The following RANBP17 variants were observed in gnomAD, a reference collection of about 807,000 sequenced individuals.
RANBP17 encodes ran-binding protein 17.
RANBP17 carries 158 observed loss-of-function variants against 141.2 expected under a neutral mutation model. The observed-to-expected ratio is 1.12, with a 90% CI of 0.98 to 1.28. The LOEUF is 1.28. Ranked by LOEUF, RANBP17 falls within the 50% of genes most tolerant of loss-of-function variation. The pLI is 0.00. For synonymous variants in RANBP17, 430 were observed against 450.0 expected, an observed-to-expected ratio of 0.96 and a Z score of 0.56; for missense variants, 1,438 against 1,290.7, an observed-to-expected ratio of 1.11 and a Z score of -1.75.
At chr5:171,145,396 CT>C (rs911213864) in intron 14 of RANBP17, among the ~76,000 whole-genome samples, 41 of 151,326 alleles carry the variant, frequency 2.7e-4, no homozygotes, top group African/African-American at 9.4e-4. Flanking sequence ...CAAGATTTGT[CT>C]TTTTTTTTAA....
intron 14 of RANBP17, among the ~76,000 whole-genome samples, chr5:171,022,122 T>A (rs1257904786): frequency 6.6e-6 from 1 of 152,140 alleles, no homozygotes; most frequent in Non-Finnish European, 1.5e-5. Context: ...CTCCCATACC[T>A]GGAGATGTCA....
At chr5:171,095,570 A>AC (rs1786630207) in intron 14 of RANBP17, among the ~76,000 whole-genome samples, 1 of 152,244 alleles carries the variant, frequency 6.6e-6, no homozygotes, top group African/African-American at 2.4e-5. Context: ...GCTGATAAAC[A>AC]AATGAATGGA....
intron 14 of RANBP17, among the ~76,000 whole-genome samples, chr5:171,096,865 G>A (rs1005895287): frequency 6.6e-6 from 1 of 152,082 alleles, no homozygotes; most frequent in Non-Finnish European, 1.5e-5. Flanking sequence ...AAGGGGTGGA[G>A]GGATGTTTCT....
intron 22 of RANBP17, among the ~76,000 whole-genome samples, chr5:171,227,100 G>C (rs372389620): frequency 6.6e-6 from 1 of 152,162 alleles, no homozygotes; most frequent in Admixed American, 6.5e-5. Context: ...TGGCCTACAA[G>C]TATTCAAGTG....
intron 12 of RANBP17, among the ~76,000 whole-genome samples, chr5:170,939,737 G>A (rs955689519): frequency 7.9e-5 from 12 of 152,120 alleles, no homozygotes; most frequent in African/African-American, 2.4e-4. Flanking sequence ...AGGATTATGT[G>A]TAATTTGTGG....
intron 14 of RANBP17, among the ~76,000 whole-genome samples, chr5:171,037,732 T>C (rs1340581797): frequency 6.6e-6 from 1 of 152,170 alleles, no homozygotes; most frequent in Non-Finnish European, 1.5e-5. Flanking sequence ...TGTCTGTAGG[T>C]GTGTAGCTTT....
At chr5:171,034,718 A>G (rs564757897) in intron 14 of RANBP17, among the ~76,000 whole-genome samples, 2 of 152,374 alleles carry the variant, frequency 1.3e-5, no homozygotes, top group South Asian at 4.1e-4. Context: ...GCAAAGTTAG[A>G]GAAATGTGCA....
intron 13 of RANBP17, among the ~76,000 whole-genome samples, chr5:170,964,973 A>G (rs1236596509): frequency 6.6e-6 from 1 of 152,150 alleles, no homozygotes; most frequent in Non-Finnish European, 1.5e-5. Flanking sequence ...GAATCGCCAC[A>G]CTGACTTCCA....
rs376841666 is a variant in RANBP17, at chr5:171,205,527, A to T, written c.2146A>T (p.Met716Leu). 84 of 1,613,428 alleles carry T rather than the reference A, an allele frequency of 5.2e-5. No individual in the cohort carries two copies. The highest frequency in any genetic ancestry group is 6.4e-5 in the Non-Finnish European group (76 of 1,179,584). The part of the protein sequence containing the change: ...NNFKQEDVKR[M>L]LIGLARDLRG... ...TGTGTCTCTTTCCCACTGACAGCGT[A>T]TGTTGATCGGGCTGGCAAGAGATCT... Residue 716 changes from methionine to leucine, a missense_variant, in exon 20 of 28, where the codon ATG becomes TTG. Transcript: ENST00000523189.
At chr5:171,221,957 G>A (rs748713308) in intron 22 of RANBP17, 117 bp downstream of exon 22, 46 of 681,448 alleles carry the variant, frequency 6.8e-5, no homozygotes, top group Admixed American at 9.0e-5. Flanking sequence ...TTGTGAAGTC[G>A]GTAATACAAG....
At chr5:171,199,025 T>C (rs773967784) in intron 18 of RANBP17, among the ~76,000 whole-genome samples, 2 of 152,064 alleles carry the variant, frequency 1.3e-5, no homozygotes, top group Admixed American at 1.3e-4. Context: ...CAGTCTACCT[T>C]TAAAGTAAAA....
intron 20 of RANBP17, among the ~76,000 whole-genome samples, chr5:171,209,855 A>T (rs188398184): frequency 6.6e-6 from 1 of 152,200 alleles, no homozygotes; most frequent in African/African-American, 2.4e-5. Flanking sequence ...AGCTATTTCT[A>T]TTCTGGAACC....
chr5:170,892,238 G>C lies in RANBP17; in HGVS notation c.257-149G>C. 3 of 595,836 alleles carry C rather than the reference G, an allele frequency of 5.0e-6. No individual in the cohort carries two copies. In the South Asian group the frequency reaches 8.0e-5, roughly 16 times the overall value. The allele number at this position is 595,836 out of a possible 1,614,324, so 36.9% of individuals were successfully genotyped here. A position where few individuals can be genotyped will look rare whatever the true frequency, so the allele number is the denominator to read the frequency against. On this transcript the variant is annotated intron_variant, in intron 3 of 27. Transcript: ENST00000523189. ...GGTGTTTTGCTGTACCTATCAACCC[G>C]TCATCTAGGTTTTAAGCCCTGCATG...
intron 24 of RANBP17, among the ~76,000 whole-genome samples, chr5:171,258,495 T>C (rs1236025480): frequency 6.6e-6 from 1 of 152,128 alleles, no homozygotes; most frequent in East Asian, 1.9e-4. Context: ...TACAAGGCTA[T>C]AGTAACCAAA....
At chr5:171,082,211 A>G (rs899301776) in intron 14 of RANBP17, among the ~76,000 whole-genome samples, 1 of 151,492 alleles carries the variant, frequency 6.6e-6, no homozygotes, top group South Asian at 2.1e-4. Context: ...TTTGTTTTTC[A>G]TTAAAATACA....
At chr5:171,071,639 TGAACA>T (rs762570167) in intron 14 of RANBP17, among the ~76,000 whole-genome samples, 17 of 64,686 alleles carry the variant, frequency 2.6e-4, no homozygotes, top group Admixed American at 5.0e-4. Flanking sequence ...ACTGGAACAA[TGAACA>T]GCTTTATGCA....
intron 5 of RANBP17, among the ~76,000 whole-genome samples, chr5:170,897,992 T>G (rs1442819711): frequency 6.6e-6 from 1 of 152,214 alleles, no homozygotes; most frequent in Non-Finnish European, 1.5e-5. Context: ...CACACTGTCT[T>G]CCGTAATGGT....
intron 14 of RANBP17, among the ~76,000 whole-genome samples, chr5:170,984,528 G>A (rs1777988725): frequency 6.6e-6 from 1 of 152,000 alleles, no homozygotes; most frequent in Non-Finnish European, 1.5e-5. Flanking sequence ...TCATGAGGGT[G>A]AAATGGAAGA....
chr5:171,271,205 A>G (rs3749695), intron 25 of RANBP17: 10,500 of 194,650 alleles, frequency 0.054, 375 homozygotes, highest in East Asian at 0.11. Flanking sequence ...CTGAAAGAAC[A>G]TTCACCCTTT....
Sources: allele counts gnomAD v4.1 joint callset (sites outside exome capture counted in the v4.1 genomes callset), GRCh38; gene constraint gnomAD v4.1.1; transcripts MANE v1.5; gene names NCBI Gene and HGNC (gene_info 2026-07-23, HGNC 2026-07-21).